NFATC1: variants seen among roughly 807,000 people sequenced by gnomAD.
The protein encoded by NFATC1 is nuclear factor of activated T cells 1.
Under a neutral mutation model 76.0 loss-of-function variants are expected in NFATC1, and 22 were observed. The ratio of observed to expected loss-of-function variants is 0.29; its 90% CI spans 0.21 to 0.41. The LOEUF (loss-of-function observed/expected upper bound fraction) is 0.41, where lower values mean the gene tolerates loss of function less well. Ranked by LOEUF, NFATC1 falls within the 10% of genes least tolerant of loss-of-function variation. NFATC1 has a pLI of 1.00. For synonymous variants in NFATC1, 704 were observed against 613.1 expected, an observed-to-expected ratio of 1.15 and a Z score of -2.19; for missense variants, 1,357 against 1,337.7, an observed-to-expected ratio of 1.01 and a Z score of -0.23.
At chr18:79,464,323 G>A (rs1421157967) in intron 7 of NFATC1, among the ~76,000 whole-genome samples, 3 of 151,708 alleles carry the variant, frequency 2.0e-5, no homozygotes, top group Non-Finnish European at 4.4e-5. Flanking sequence ...TTGAACTCCT[G>A]ACCTCAGGTG....
At chr18:79,502,775 ACCATTTT>A (rs571726503) in intron 9 of NFATC1, among the ~76,000 whole-genome samples, 4 of 152,244 alleles carry the variant, frequency 2.6e-5, no homozygotes, top group Non-Finnish European at 5.9e-5. Flanking sequence ...TCAATAAGAT[ACCATTTT>A]ATATCCATTC....
At chr18:79,414,339 G>T (rs1487932799) in intron 2 of NFATC1, among the ~76,000 whole-genome samples, 5 of 152,200 alleles carry the variant, frequency 3.3e-5, no homozygotes, top group Non-Finnish European at 5.9e-5. Flanking sequence ...CCCCACCGTG[G>T]TACAGAACTG....
chr18:79,452,128 G>C (rs960332910), intron 6 of NFATC1: 1 of 224,844 alleles, frequency 4.4e-6, no homozygotes, highest in Non-Finnish European at 8.7e-6. Context: ...AGACGCATTT[G>C]CTGGCTTTGC....
chr18:79,518,437 G>A (rs57944523), intron 9 of NFATC1, among the ~76,000 whole-genome samples: 9,973 of 152,216 alleles, frequency 0.066, 334 homozygotes, highest in Middle Eastern at 0.078. Context: ...AGCATGTTTC[G>A]CGCTGCCTGC....
chr18:79,425,816 G>A (rs1568945763), intron 2 of NFATC1, among the ~76,000 whole-genome samples: 2 of 152,358 alleles, frequency 1.3e-5, no homozygotes, highest in South Asian at 4.1e-4. Context: ...CAGAGGTTGA[G>A]ACACAAGACC....
chr18:79,432,161 A>G (rs921053948), intron 2 of NFATC1, among the ~76,000 whole-genome samples: 4 of 152,320 alleles, frequency 2.6e-5, no homozygotes, highest in African/African-American at 9.6e-5. Context: ...CGCATGTCCC[A>G]TGTCTCTGGG....
intron 6 of NFATC1, among the ~76,000 whole-genome samples, chr18:79,461,005 T>C (rs2088040095): frequency 6.6e-6 from 1 of 152,216 alleles, no homozygotes; most frequent in African/African-American, 2.4e-5. Flanking sequence ...CCAGGACGGA[T>C]TCCTGAGGAT....
chr18:79,454,411 C>T (rs1281231593), intron 6 of NFATC1, among the ~76,000 whole-genome samples: 4 of 152,238 alleles, frequency 2.6e-5, no homozygotes, highest in African/African-American at 4.8e-5. Flanking sequence ...TGGAGCGGCT[C>T]CACTGCCCTG....
Position 79,433,730 on chromosome 18 carries a change from A to G in NFATC1, c.1378A>G (p.Ile460Val). The G allele has an allele frequency of 6.2e-7, 1 of 1,612,422 alleles. No individual in the cohort carries two copies. Among genetic ancestry groups the G allele is most frequent in the Non-Finnish European group, 8.5e-7 (1 of 1,179,704 alleles). The change falls in exon 3 of 10, where the codon ATC (isoleucine) becomes GTC (valine). Residue 460 changes from isoleucine (I) to valine (V), a missense_variant. Around this residue, in one of 3 missense-constraint regions of NFATC1, gnomAD observed 242 missense variants for 329.2 expected, o/e 0.74. Transcript: ENST00000427363. ...GAAGGCGTCGGCCGGAGGACACCCC[A>G]TCGTGCAGGTAGGCACTGCGGCCAG... ...AVKASAGGHP[I>V]VQLHGYLENE... is the part of the protein sequence containing the mutation.
Position 79,464,682 on chromosome 18 carries a change from G to GTGTATATATA in NFATC1, c.1960-2767_1960-2766insGTATATATAT, listed in dbSNP as rs1555911954. On this transcript the variant is annotated intron_variant, in intron 7 of 9. Coordinates refer to ENST00000427363, the MANE Select transcript of NFATC1 (RefSeq NM_001278669.2). The stretch of plus-strand genomic sequence containing the variant: ...TGTGTGTGTGTGTGTATATGTATGT[G>GTGTATATATA]TATATATATATATTTATTTATTTAT... Among the ~76,000 whole-genome samples the GTGTATATATA allele has an allele frequency of 1.8e-4, 18 of 100,796 alleles. 3 individuals carry two copies. Among genetic ancestry groups the GTGTATATATA allele is most frequent in the African/African-American group, 6.9e-4 (15 of 21,812 alleles). The allele number at this position is 100,796 out of a possible 152,430, so 66.1% of individuals were successfully genotyped here. A position where few individuals can be genotyped will look rare whatever the true frequency, so the allele number is the denominator to read the frequency against.
chr18:79,434,679 A>T (rs929182073), intron 3 of NFATC1, among the ~76,000 whole-genome samples: 2 of 152,228 alleles, frequency 1.3e-5, no homozygotes, highest in Non-Finnish European at 2.9e-5. Flanking sequence ...TTAGGGAATG[A>T]TGCAAGCCGG....
Position 79,522,300 on chromosome 18 carries a change from T to G in NFATC1, c.2783-5228T>G, listed in dbSNP as rs1225791507. 7.3e-5 allele frequency among the ~76,000 whole-genome samples: 9 copies of G among 123,362 alleles called. No individual in the cohort carries two copies. The South Asian group carries it at 1.2e-3, about 16-fold the overall frequency. 80.9% of individuals were successfully genotyped at this position (123,362 alleles called of 152,430 possible). On this transcript the variant is annotated intron_variant, in intron 9 of 9. Transcript: ENST00000427363. ...GGGTGCGTCTACTGATGTCTGGGTG[T>G]AGGGGCTGGCGCCTGCTGATGTGTG... is the stretch of plus-strand genomic sequence containing the variant.
At chr18:79,490,177 C>T (rs570480865) in intron 9 of NFATC1, among the ~76,000 whole-genome samples, 2 of 152,268 alleles carry the variant, frequency 1.3e-5, no homozygotes, top group African/African-American at 4.8e-5. Context: ...GGAAGTTCTG[C>T]TCGTGGTGTG....
intron 1 of NFATC1, among the ~76,000 whole-genome samples, chr18:79,408,126 A>G (rs1248994148): frequency 6.6e-6 from 1 of 152,230 alleles, no homozygotes; most frequent in African/African-American, 2.4e-5. Flanking sequence ...CTGGGGCGCT[A>G]GAACCATTTC....
intron 7 of NFATC1, among the ~76,000 whole-genome samples, chr18:79,463,293 G>A (rs1325756636): frequency 1.3e-5 from 2 of 152,220 alleles, no homozygotes; most frequent in East Asian, 1.9e-4. Context: ...AGGCCCCAGG[G>A]CAGGCCAGTG....
At chr18:79,512,730 G>A (rs949627413) in intron 9 of NFATC1, among the ~76,000 whole-genome samples, 10 of 152,368 alleles carry the variant, frequency 6.6e-5, no homozygotes, top group Admixed American at 5.9e-4. Context: ...TGTGGCTGCC[G>A]TTTGAACAGT....
intron 6 of NFATC1, among the ~76,000 whole-genome samples, chr18:79,458,353 C>T (rs534930101): frequency 2.4e-4 from 37 of 152,210 alleles, no homozygotes; most frequent in African/African-American, 8.2e-4. Context: ...CAGGAGACGC[C>T]GTGGGGAGCA....
At chr18:79,441,879 T>C (rs925172862) in intron 3 of NFATC1, among the ~76,000 whole-genome samples, 2 of 152,066 alleles carry the variant, frequency 1.3e-5, no homozygotes, top group Non-Finnish European at 2.9e-5. Context: ...ATTAATTGAT[T>C]AGATTTAATT....
chr18:79,511,597 G>C (rs1182733318), intron 9 of NFATC1, among the ~76,000 whole-genome samples: 2 of 152,148 alleles, frequency 1.3e-5, no homozygotes, highest in African/African-American at 2.4e-5. Context: ...GCTGTGGAGG[G>C]GTGGAGGGCA....
Sources: gnomAD v4.1 joint callset for allele counts (sites outside exome capture counted in the v4.1 genomes callset) on GRCh38, gnomAD v4.1.1 for gene constraint, gnomAD v4.1.1 regional missense constraint, MANE v1.5 for transcripts, NCBI Gene and HGNC (gene_info 2026-07-23, HGNC 2026-07-21) for gene names.